GRIK4: variants seen among roughly 807,000 people sequenced by gnomAD.
The protein encoded by GRIK4 is glutamate ionotropic receptor kainate type subunit 4.
In GRIK4, 40 loss-of-function variants were observed where a neutral mutation model predicts 104.9. The observed-to-expected ratio is 0.38, with a 90% CI of 0.30 to 0.50. The LOEUF is 0.50. Ranked by LOEUF, GRIK4 falls within the 20% of genes least tolerant of loss-of-function variation. GRIK4 has a pLI of 0.93. For synonymous variants in GRIK4, 485 were observed against 524.9 expected, an observed-to-expected ratio of 0.92 and a Z score of 1.04; for missense variants, 1,047 against 1,308.1, an observed-to-expected ratio of 0.80 and a Z score of 3.08.
intron 3 of GRIK4, among the ~76,000 whole-genome samples, chr11:120,672,806 C>G (rs573564607): frequency 1.2e-4 from 19 of 152,306 alleles, no homozygotes; most frequent in Admixed American, 2.6e-4. Flanking sequence ...AGTTGCTTAT[C>G]AGCTTAAGGA....
intron 1 of GRIK4, among the ~76,000 whole-genome samples, chr11:120,519,526 C>T (rs1423908976): frequency 6.6e-6 from 1 of 152,250 alleles, no homozygotes; most frequent in African/African-American, 2.4e-5. Flanking sequence ...GCTTCCCCGC[C>T]TCCAGAACTG....
intron 1 of GRIK4, among the ~76,000 whole-genome samples, chr11:120,577,137 G>A (rs1301526295): frequency 6.6e-6 from 1 of 152,214 alleles, no homozygotes; most frequent in Non-Finnish European, 1.5e-5. Context: ...TAATCCTGAA[G>A]GTCATATGGC....
At chr11:120,913,856 T>TAA (rs36119057) in intron 13 of GRIK4, among the ~76,000 whole-genome samples, 2,356 of 132,712 alleles carry the variant, frequency 0.018, 37 homozygotes, top group Admixed American at 0.038. Context: ...TTTGCTGAAC[T>TAA]AAAAAAAAAA....
intron 3 of GRIK4, among the ~76,000 whole-genome samples, chr11:120,717,458 A>G (rs1456739497): frequency 6.6e-6 from 1 of 152,066 alleles, no homozygotes; most frequent in Non-Finnish European, 1.5e-5. Context: ...GGATTGGAGA[A>G]GGATGGGCCC....
At chr11:120,675,761 G>A (rs1950090343) in intron 3 of GRIK4, among the ~76,000 whole-genome samples, 2 of 152,082 alleles carry the variant, frequency 1.3e-5, no homozygotes, top group South Asian at 2.1e-4. Context: ...TTATAGAATT[G>A]TTGAGGTTTA....
chr11:120,669,236 C>A (rs1047297027), intron 3 of GRIK4, among the ~76,000 whole-genome samples: 1 of 152,130 alleles, frequency 6.6e-6, no homozygotes, highest in Non-Finnish European at 1.5e-5. Context: ...TTTTTTGAAA[C>A]CTTATTTGAA....
intron 3 of GRIK4, among the ~76,000 whole-genome samples, chr11:120,672,156 G>A (rs1234598780): frequency 6.6e-6 from 1 of 152,116 alleles, no homozygotes; most frequent in Non-Finnish European, 1.5e-5. Flanking sequence ...AGTGGCTCAC[G>A]CCTGTAATCC....
chr11:120,642,177 A>T (rs971327594), intron 1 of GRIK4, among the ~76,000 whole-genome samples: 2 of 152,166 alleles, frequency 1.3e-5, no homozygotes, highest in African/African-American at 2.4e-5. Context: ...TTTTTAAAAA[A>T]GTTATTAGCC....
intron 9 of GRIK4, among the ~76,000 whole-genome samples, chr11:120,862,850 G>A (rs1954299300): frequency 6.6e-6 from 1 of 152,152 alleles, no homozygotes. Flanking sequence ...GGCTTTTTAT[G>A]CCCTGTCCTA....
intron 2 of GRIK4, among the ~76,000 whole-genome samples, chr11:120,659,658 T>A (rs1949778131): frequency 2.6e-5 from 4 of 152,134 alleles, no homozygotes. Flanking sequence ...TTTGGGGAAA[T>A]GGAGTAACCC....
At chr11:120,917,240 T>G (rs1592077618) in intron 13 of GRIK4, among the ~76,000 whole-genome samples, 1 of 57,450 alleles carries the variant, frequency 1.7e-5, no homozygotes, top group Admixed American at 2.9e-4. Flanking sequence ...AGAGCGAAAC[T>G]CCGTCTCAAA....
At chr11:120,899,652 T>G (rs977831108) in intron 12 of GRIK4, among the ~76,000 whole-genome samples, 2 of 152,126 alleles carry the variant, frequency 1.3e-5, no homozygotes, top group Admixed American at 1.3e-4. Context: ...GGCCAAGGTA[T>G]TATTTGTCTT....
intron 1 of GRIK4, among the ~76,000 whole-genome samples, chr11:120,587,914 TAA>T (rs1002574869): frequency 5.3e-5 from 8 of 152,226 alleles, no homozygotes; most frequent in African/African-American, 1.4e-4. Context: ...GCTGCATTAT[TAA>T]GAGATCTTTC....
chr11:120,894,349 G>A (rs1251078404), intron 11 of GRIK4: 4 of 152,178 alleles, frequency 2.6e-5, no homozygotes, highest in South Asian at 4.1e-4. Context: ...CAGAGAAGCC[G>A]GGTTAAACTC....
intron 3 of GRIK4, among the ~76,000 whole-genome samples, chr11:120,802,299 A>G (rs12283721): frequency 7.7e-4 from 117 of 152,158 alleles, no homozygotes; most frequent in African/African-American, 2.7e-3. Flanking sequence ...AGAGTTTCTC[A>G]TATGTTCAGA....
intron 13 of GRIK4, among the ~76,000 whole-genome samples, chr11:120,911,121 C>T (rs538759350): frequency 2.2e-4 from 33 of 152,036 alleles, no homozygotes; most frequent in African/African-American, 7.2e-4. Flanking sequence ...ATGAAACAAG[C>T]GGGCAGGAGG....
chr11:120,834,964 G>A (rs11601867), intron 7 of GRIK4, among the ~76,000 whole-genome samples: 31,279 of 152,200 alleles, frequency 0.21, 3,454 homozygotes, highest in African/African-American at 0.3. Flanking sequence ...AGATGCAGCA[G>A]CACTCTTACT....
intron 1 of GRIK4, among the ~76,000 whole-genome samples, chr11:120,531,443 C>G (rs919538825): frequency 1.3e-5 from 2 of 152,234 alleles, no homozygotes; most frequent in African/African-American, 4.8e-5. Flanking sequence ...TACATGTGCT[C>G]TCCAGTGCTT....
rs980788251 is a variant in GRIK4, at chr11:120,939,825, C to A, written c.1477-522C>A. ...TGAAGCCCTGTGTCTACTAAAATTA[C>A]AAAAATAAGCCAGGCATGGTGGCCC... On this transcript the variant is annotated intron_variant, in intron 13 of 20. Transcript: ENST00000527524. This position sits in a 1 kb window ranked among gnomAD's most constrained non-coding sequence, Gnocchi z 5.6. 6.6e-6 allele frequency among the ~76,000 whole-genome samples: 1 copy of A among 152,078 alleles called. No homozygotes were observed. Among genetic ancestry groups the A allele is most frequent in the Non-Finnish European group, 1.5e-5 (1 of 68,022 alleles).
Sources: gnomAD v4.1 joint callset for allele counts (sites outside exome capture counted in the v4.1 genomes callset) on GRCh38, gnomAD v4.1.1 for gene constraint, Gnocchi (gnomAD v3.1) non-coding constraint, MANE v1.5 for transcripts, NCBI Gene and HGNC (gene_info 2026-07-23, HGNC 2026-07-21) for gene names.